The following PTPRJ variants were observed in gnomAD, a reference collection of about 807,000 sequenced individuals.
PTPRJ encodes protein tyrosine phosphatase receptor type J.
PTPRJ carries 129 observed loss-of-function variants against 141.3 expected under a neutral mutation model. The observed-to-expected ratio is 0.91, with a 90% CI of 0.79 to 1.06. PTPRJ has a LOEUF of 1.06. PTPRJ is among the 50% of genes least tolerant of loss of function. The pLI is 0.00. For synonymous variants in PTPRJ, 610 were observed against 640.5 expected (o/e 0.95, Z 0.72); for missense variants, 1,601 against 1,679.7 (o/e 0.95, Z 0.82).
At chr11:48,040,283 G>A (rs1482118686) in intron 1 of PTPRJ, among the ~76,000 whole-genome samples, 4 of 152,246 alleles carry the variant, frequency 2.6e-5, no homozygotes, top group African/African-American at 4.8e-5. Flanking sequence ...TGCTGTGTGC[G>A]CGCACATGCG....
At chr11:48,122,777 C>T (rs891504481) in intron 4 of PTPRJ, among the ~76,000 whole-genome samples, 1 of 152,208 alleles carries the variant, frequency 6.6e-6, no homozygotes, top group African/African-American at 2.4e-5. Flanking sequence ...ATCATCTTAC[C>T]GTTTCGGAGC....
At chr11:48,030,446 C>T (rs565154623) in intron 1 of PTPRJ, among the ~76,000 whole-genome samples, 5 of 152,314 alleles carry the variant, frequency 3.3e-5, no homozygotes, top group African/African-American at 1.2e-4. Context: ...CTCCATCCCC[C>T]TTGTCTGAGT....
At chr11:48,159,005 C>T (rs1232051623) in intron 21 of PTPRJ, among the ~76,000 whole-genome samples, 1 of 152,074 alleles carries the variant, frequency 6.6e-6, no homozygotes. Context: ...TCAAACTTCT[C>T]AGGTGAGTCA....
At chr11:48,153,948 T>C in intron 19 of PTPRJ, 62 bp downstream of exon 19, 1 of 1,157,116 alleles carries the variant, frequency 8.6e-7, no homozygotes, top group Non-Finnish European at 1.3e-6. Flanking sequence ...CATCTCTAAG[T>C]GTAGAGGGGA....
intron 1 of PTPRJ, among the ~76,000 whole-genome samples, chr11:48,041,769 CA>C (rs1389248107): frequency 1.3e-5 from 2 of 152,110 alleles, no homozygotes; most frequent in East Asian, 3.9e-4. Context: ...GGACCACAGG[CA>C]CGTGCCACCA....
chr11:48,126,101 C>T (rs560122010), intron 6 of PTPRJ, among the ~76,000 whole-genome samples: 15 of 152,114 alleles, frequency 9.9e-5, no homozygotes, highest in African/African-American at 3.4e-4. Context: ...GGTAAGCTTG[C>T]GTGAGAGAGT....
intron 1 of PTPRJ, among the ~76,000 whole-genome samples, chr11:48,029,173 A>C (rs910449312): frequency 7.9e-5 from 12 of 152,190 alleles, no homozygotes; most frequent in South Asian, 2.1e-4. Flanking sequence ...CGGCGTTGAT[A>C]CCCATGCCTG....
At chr11:48,153,358 C>T (rs1440626833) in intron 18 of PTPRJ, among the ~76,000 whole-genome samples, 2 of 151,876 alleles carry the variant, frequency 1.3e-5, no homozygotes, top group Non-Finnish European at 2.9e-5. Flanking sequence ...CATGGTGAAA[C>T]CCCGTCTCTA....
At chr11:48,136,326 A>G (rs199748814) in intron 9 of PTPRJ, 30 bp downstream of exon 9, 8 of 1,603,436 alleles carry the variant, frequency 5.0e-6, no homozygotes, top group Non-Finnish European at 6.8e-6. Flanking sequence ...CTTCTAAGGA[A>G]CAGCCTCTCT....
chr11:48,024,618 A>G (rs1417090998), intron 1 of PTPRJ, among the ~76,000 whole-genome samples: 3 of 152,230 alleles, frequency 2.0e-5, no homozygotes, highest in African/African-American at 7.2e-5. Context: ...GCCGTTGCTA[A>G]TGGGAATGAG....
intron 1 of PTPRJ, among the ~76,000 whole-genome samples, chr11:48,054,280 G>C (rs2134251854): frequency 6.6e-6 from 1 of 152,318 alleles, no homozygotes; most frequent in Admixed American, 6.5e-5. Context: ...TCTGGGGCTA[G>C]ACTTGGACAG....
At chr11:48,144,908 C>G (rs1343034070) in intron 13 of PTPRJ, 23 bp downstream of exon 13, 18 of 1,613,786 alleles carry the variant, frequency 1.1e-5, no homozygotes, top group Non-Finnish European at 1.1e-5. Flanking sequence ...GGTTCTTACT[C>G]TTTGGGGGCT....
intron 1 of PTPRJ, among the ~76,000 whole-genome samples, chr11:48,017,574 G>C (rs537486480): frequency 6.6e-6 from 1 of 152,280 alleles, no homozygotes; most frequent in African/African-American, 2.4e-5. Flanking sequence ...GGTAGCACTG[G>C]CTTATGTCCC....
In PTPRJ at chr11:48,169,366, C is replaced by A. The variant is rs951980053; in HGVS notation, c.*2004C>A. On this transcript the variant is annotated 3_prime_UTR_variant, in exon 25 of 25. Transcript: ENST00000418331. ...TGAGTTGGCCCGGCTAGGGTGGGCC[C>A]TCTTGACCTAACTTCAGAGGGGGCC... The A allele has an allele frequency of 1.3e-5, 2 of 152,214 alleles. No individual in the cohort carries two copies. The highest frequency in any genetic ancestry group is 6.5e-5 in the Admixed American group (1 of 15,280). 9.4% of individuals were successfully genotyped at this position (152,214 alleles called of 1,614,324 possible). A position where few individuals can be genotyped will look rare whatever the true frequency, so the allele number is the denominator to read the frequency against.
chr11:48,144,595 C>T, intron 12 of PTPRJ, 80 bp from the exon 13 acceptor site: 1 of 1,149,296 alleles, frequency 8.7e-7, no homozygotes, highest in South Asian at 1.4e-5. Context: ...CACCCAACAT[C>T]ACCACCATGT....
chr11:48,033,767 T>G (rs769510721), intron 1 of PTPRJ, among the ~76,000 whole-genome samples: 3 of 152,070 alleles, frequency 2.0e-5, no homozygotes, highest in Non-Finnish European at 4.4e-5. Context: ...TTCAGGGGAT[T>G]TGAAGATTGT....
intron 16 of PTPRJ, 175 bp downstream of exon 16, chr11:48,149,663 T>G: frequency 1.8e-6 from 1 of 553,430 alleles, no homozygotes; most frequent in Non-Finnish European, 3.1e-6. Context: ...GTTTTATTAG[T>G]CTCCTGAAGC....
rs772087826 is a variant in PTPRJ, at chr11:48,139,603, G to T, written c.2270G>T (p.Gly757Val). The T allele has an allele frequency of 4.3e-6, 7 of 1,614,256 alleles. No homozygotes were observed. Among genetic ancestry groups the T allele is most frequent in the Non-Finnish European group, 5.9e-6 (7 of 1,180,044 alleles). The part of the protein sequence containing the change: ...NAGFELEVSS[G>V]AWNNATHLES... ...GGCTTTGAGCTGGAGGTCAGCAGTG[G>T]AGCCTGGAACAATGCGACCCACCTG... is the stretch of plus-strand genomic sequence containing the variant. Residue 757 changes from glycine (G) to valine (V), a missense_variant, in exon 11 of 25, where the codon GGA becomes GTA. Physicochemically the swap from Gly to Val is moderately radical, Grantham distance 109. Transcript: ENST00000418331.
Position 48,096,978 on chromosome 11 carries a change from T to C in PTPRJ, c.97-13080T>C, listed in dbSNP as rs569363189. 13 of 154,756 alleles carry C rather than the reference T, an allele frequency of 8.4e-5. No homozygotes were observed. In the East Asian group the frequency reaches 2.5e-3, roughly 30 times the overall value. 9.6% of individuals were successfully genotyped at this position (154,756 alleles called of 1,614,324 possible). Reference sequence around the variant, plus strand: ...TCTGGGTTCCTTCCGGCTGTCCAAATCAAATTTAATTTTCACACCCAGACC... The same window carrying C: ...TCTGGGTTCCTTCCGGCTGTCCAAACCAAATTTAATTTTCACACCCAGACC... On this transcript the variant is annotated intron_variant, in intron 1 of 24. Transcript: ENST00000418331.
Sources: gnomAD v4.1 joint callset for allele counts (sites outside exome capture counted in the v4.1 genomes callset) on GRCh38, gnomAD v4.1.1 for gene constraint, MANE v1.5 for transcripts, NCBI Gene and HGNC (gene_info 2026-07-23, HGNC 2026-07-21) for gene names.